Variants in IMPA1 observed in about 807,000 individuals in gnomAD.
IMPA1 encodes D-galactose 1-phosphate phosphatase.
In IMPA1, 21 loss-of-function variants were observed where a neutral mutation model predicts 34.9. That is an observed-to-expected ratio of 0.60 (90% CI 0.43 to 0.87). The LOEUF is 0.87. IMPA1 is among the 40% of genes least tolerant of loss of function. The pLI, the probability that IMPA1 is intolerant of heterozygous loss-of-function variation, is 0.00. For synonymous variants in IMPA1, 95 were observed against 104.4 expected, an observed-to-expected ratio of 0.91 and a Z score of 0.55; for missense variants, 299 against 336.4, an observed-to-expected ratio of 0.89 and a Z score of 0.87.
intron 7 of IMPA1, among the ~76,000 whole-genome samples, chr8:81,670,265 T>A (rs1247027212): frequency 6.6e-6 from 1 of 152,118 alleles, no homozygotes; most frequent in African/African-American, 2.4e-5. Flanking sequence ...GTATCAGTAT[T>A]TATGGGATAC....
chr8:81,659,048 T>C lies in IMPA1; in HGVS notation c.*303A>G, dbSNP rs1182008657. ...ACTAAGTCAAAATTTCAGGGGACCATAGATATTTAGAAACACAAAATTGCT... is the reference window on the plus strand; with the variant it reads ...ACTAAGTCAAAATTTCAGGGGACCACAGATATTTAGAAACACAAAATTGCT... On this transcript the variant is annotated 3_prime_UTR_variant, in exon 9 of 9. Transcript: ENST00000256108. The C allele has an allele frequency of 2.9e-6, 1 of 347,430 alleles. No homozygotes were observed. The highest frequency in any genetic ancestry group is 7.7e-5 in the East Asian group (1 of 12,960). 21.5% of individuals were successfully genotyped at this position (347,430 alleles called of 1,614,324 possible).
intron 7 of IMPA1, among the ~76,000 whole-genome samples, chr8:81,669,157 G>C (rs2957010): frequency 0.13 from 19,142 of 152,138 alleles, 2,056 homozygotes; most frequent in East Asian, 0.57. Flanking sequence ...GTTAGTGGTA[G>C]CTGAGAATCT....
At chr8:81,664,248 T>C (rs970914655) in intron 7 of IMPA1, among the ~76,000 whole-genome samples, 14 of 152,110 alleles carry the variant, frequency 9.2e-5, no homozygotes, top group Admixed American at 7.2e-4. Flanking sequence ...ACTCCCTGTA[T>C]ACCCTCCTGG....
chr8:81,667,389 T>C (rs2130264096), intron 7 of IMPA1, among the ~76,000 whole-genome samples: 1 of 152,284 alleles, frequency 6.6e-6, no homozygotes, highest in South Asian at 2.1e-4. Flanking sequence ...ATGTTGAAAC[T>C]TAATCCCCAA....
rs780328284 is a variant in IMPA1 at position 81,681,527 on chromosome 8, C to T, written c.34G>A (p.Ala12Thr). 1.2e-6 allele frequency: 2 copies of T among 1,606,488 alleles called. No individual in the cohort carries two copies. Among genetic ancestry groups the T allele is most frequent in the Non-Finnish European group, 1.7e-6 (2 of 1,173,818 alleles). The change falls in exon 2 of 9, where the codon GCA (alanine) becomes ACA (threonine). Residue 12 changes from alanine to threonine, a missense_variant. Transcript: ENST00000256108. ...ADPWQECMDY[A>T]VTLARQAGEV... ...CCAGCTTGTCTTGCTAGAGTTACTG[C>T]ATAATCCATGCATTCCTGCCAAGGA... is the stretch of plus-strand genomic sequence containing the variant.
chr8:81,661,802 C>T (rs1044033136), intron 7 of IMPA1, among the ~76,000 whole-genome samples: 11 of 152,170 alleles, frequency 7.2e-5, no homozygotes, highest in South Asian at 2.1e-4. Flanking sequence ...AAGACACACA[C>T]GCTGAAATGT....
At chr8:81,670,239 AT>A (rs1216696118) in intron 7 of IMPA1, among the ~76,000 whole-genome samples, 1 of 152,246 alleles carries the variant, frequency 6.6e-6, no homozygotes, top group African/African-American at 2.4e-5. Flanking sequence ...TATGAAAAAA[AT>A]AATGAAAACA....
At chr8:81,664,045 T>A (rs909668803) in intron 7 of IMPA1, among the ~76,000 whole-genome samples, 4 of 151,410 alleles carry the variant, frequency 2.6e-5, no homozygotes, top group East Asian at 1.9e-4. Flanking sequence ...GAAAAAAAAA[T>A]AAATACATAA....
At chr8:81,659,664 TAATG>T (rs1806606896) in intron 8 of IMPA1, among the ~76,000 whole-genome samples, 198 bp from the exon 9 acceptor site, 1 of 152,210 alleles carries the variant, frequency 6.6e-6, no homozygotes, top group African/African-American at 2.4e-5. Context: ...TTTGAGTAAA[TAATG>T]AAGTCATACC....
At chr8:81,660,719 A>C (rs747087935) in intron 7 of IMPA1, 52 bp from the exon 8 acceptor site, 20 of 1,460,132 alleles carry the variant, frequency 1.4e-5, no homozygotes, top group Non-Finnish European at 1.9e-5. Flanking sequence ...CTTTCAAGTA[A>C]GATATTCCTC....
chr8:81,683,470 A>C (rs1445518256), intron 1 of IMPA1, among the ~76,000 whole-genome samples: 1 of 152,212 alleles, frequency 6.6e-6, no homozygotes, highest in African/African-American at 2.4e-5. Context: ...CAGATTGGCT[A>C]CAGAGTACCA....
At position 81,679,146 on chromosome 8, in the gene IMPA1, T is replaced by C; in HGVS notation, c.282A>G (p.Gly94=). ...CATACCTATGTACAAAGTTAGTTGT[T>C]CCATCAATAGGGTCAATGATCCATG... is the stretch of plus-strand genomic sequence containing the variant. ...NPTWIIDPID[G]TTNFVHRFPF... is the part of the protein sequence containing the mutation. Residue 94 remains glycine (G), a synonymous_variant, in exon 4 of 9, where the codon GGA becomes GGG. Coordinates refer to ENST00000256108, the MANE Select transcript of IMPA1 (RefSeq NM_005536.4). 6.2e-7 allele frequency: 1 copy of C among 1,611,432 alleles called. No individual in the cohort carries two copies. The highest frequency in any genetic ancestry group is 2.2e-5 in the East Asian group (1 of 44,860).
chr8:81,678,992 T>A (rs1807213011), intron 4 of IMPA1, 134 bp downstream of exon 4: 4 of 591,420 alleles, frequency 6.8e-6, no homozygotes, highest in Non-Finnish European at 1.2e-5. Context: ...ACATTTTATA[T>A]ATACTTTATT....
intron 2 of IMPA1, 143 bp from the exon 3 acceptor site, chr8:81,680,926 T>C (rs778229161): frequency 1.7e-5 from 11 of 650,478 alleles, no homozygotes; most frequent in African/African-American, 3.7e-5. Flanking sequence ...AATATATCTA[T>C]AAAATAAGCC....
chr8:81,681,667 T>A, intron 1 of IMPA1, 83 bp from the exon 2 acceptor site: 2 of 780,414 alleles, frequency 2.6e-6, no homozygotes, highest in Non-Finnish European at 4.4e-6. Context: ...AGAAACAGAC[T>A]GTCATTTCAG....
intron 8 of IMPA1, among the ~76,000 whole-genome samples, chr8:81,659,710 G>T (rs1391476461): frequency 6.6e-6 from 1 of 151,996 alleles, no homozygotes; most frequent in Non-Finnish European, 1.5e-5. Flanking sequence ...CTCTATTTTT[G>T]TGCATTCTTA....
rs559398074 is a variant in IMPA1 at position 81,666,422 on chromosome 8, T to C, written c.566+4517A>G. On this transcript the variant is annotated intron_variant, in intron 7 of 8. Transcript: ENST00000256108. ...AAAAACAGTCATATCAATAAATCAA[T>C]AGGCCTAACCTATCTGTTAAAAGAA... Among the ~76,000 whole-genome samples, 44 of 152,292 alleles carry C rather than the reference T, an allele frequency of 2.9e-4. 1 individual carries two copies. The highest frequency in any genetic ancestry group is 1.0e-3 in the African/African-American group (43 of 41,558).
chr8:81,674,773 C>A (rs1257865664), intron 5 of IMPA1: 1 of 454,916 alleles, frequency 2.2e-6, no homozygotes, highest in Admixed American at 2.4e-5. Flanking sequence ...TTACAGTCCA[C>A]AAATTCATTT....
At chr8:81,684,242 A>G (rs1395639153) in intron 1 of IMPA1, among the ~76,000 whole-genome samples, 2 of 144,832 alleles carry the variant, frequency 1.4e-5, no homozygotes, top group Non-Finnish European at 3.0e-5. Context: ...TACCATACAT[A>G]AGTATATTTA....
Sources: allele counts gnomAD v4.1 joint callset (sites outside exome capture counted in the v4.1 genomes callset), GRCh38; gene constraint gnomAD v4.1.1; transcripts MANE v1.5; gene names NCBI Gene and HGNC (gene_info 2026-07-23, HGNC 2026-07-21).